Variants in TMEM266 observed in about 807,000 individuals in gnomAD.
TMEM266 encodes transmembrane protein 266.
A neutral mutation model predicts 50.5 loss-of-function variants in TMEM266; 33 were observed. The ratio of observed to expected loss-of-function variants is 0.65; its 90% confidence interval spans 0.50 to 0.87. The LOEUF (loss-of-function observed/expected upper bound fraction) is 0.87. Ranked by LOEUF, TMEM266 falls within the 40% of genes least tolerant of loss-of-function variation. The pLI is 0.00. For missense variants in TMEM266, 655 were observed against 695.1 expected, an observed-to-expected ratio of 0.94 and a Z score of 0.65; for synonymous variants, 310 against 292.3, an observed-to-expected ratio of 1.06 and a Z score of -0.62.
At chr15:76,200,669 G>A (rs766092053) in intron 9 of TMEM266, among the ~76,000 whole-genome samples, 2 of 152,182 alleles carry the variant, frequency 1.3e-5, no homozygotes, top group Non-Finnish European at 2.9e-5. Flanking sequence ...CAGGGCCTGG[G>A]GGTCCTGAGC....
At chr15:76,073,163 T>G (rs1410486406) in intron 1 of TMEM266, among the ~76,000 whole-genome samples, 1 of 144,592 alleles carries the variant, frequency 6.9e-6, no homozygotes, top group African/African-American at 2.6e-5. Flanking sequence ...ACTCTTGACC[T>G]CAGGTGATCC....
chr15:76,116,306 C>T (rs1306378897), intron 1 of TMEM266, among the ~76,000 whole-genome samples: 2 of 152,154 alleles, frequency 1.3e-5, no homozygotes, highest in Non-Finnish European at 2.9e-5. Flanking sequence ...GATAAGGCTC[C>T]GTAGCTTACC....
chr15:76,109,832 A>T (rs1468308327), intron 1 of TMEM266, among the ~76,000 whole-genome samples: 2 of 148,136 alleles, frequency 1.4e-5, no homozygotes, highest in South Asian at 2.1e-4. Context: ...CTAATTTTTT[A>T]AATTTTTTGT....
chr15:76,202,474 T>C (rs1252403248), intron 10 of TMEM266, among the ~76,000 whole-genome samples: 1 of 152,158 alleles, frequency 6.6e-6, no homozygotes, highest in African/African-American at 2.4e-5. Context: ...AGCCTGCAGG[T>C]GCCAGGATAG....
At chr15:76,157,560 C>T (rs997093349) in intron 4 of TMEM266, among the ~76,000 whole-genome samples, 4 of 152,234 alleles carry the variant, frequency 2.6e-5, no homozygotes, top group African/African-American at 9.7e-5. Flanking sequence ...GGCCTACCCC[C>T]CACTGTTTGT....
rs1368776322 is a variant in TMEM266 at position 76,202,235 on chromosome 15, T to G, written c.992T>G (p.Ile331Ser). 6.2e-7 allele frequency: 1 copy of G among 1,613,870 alleles called. No individual in the cohort carries two copies. The highest frequency in any genetic ancestry group is 2.2e-5 in the East Asian group (1 of 44,860). ...ATGAAGGACGACATGAACAGCTACA[T>G]CAGTCAGTATTACAATGGGCCCAGC... The change falls in exon 10 of 11, where the codon ATC becomes AGC. Residue 331 changes from isoleucine (I) to serine (S), a missense_variant. Transcript: ENST00000388942.
Position 76,156,633 on chromosome 15 carries a change from A to C in TMEM266, c.257A>C (p.Lys86Thr). 1 of 1,614,178 alleles carries C rather than the reference A, an allele frequency of 6.2e-7. No homozygotes were observed. Among genetic ancestry groups the C allele is most frequent in the African/African-American group, 1.3e-5 (1 of 75,064 alleles). ...AACTGGCTGAAGCCGTGCTGTGGGAAGAGAGCAGCCGTGTGGCAGGTATTT... is the reference window on the plus strand; with the variant it reads ...AACTGGCTGAAGCCGTGCTGTGGGACGAGAGCAGCCGTGTGGCAGGTATTT... The change falls in exon 4 of 11, where the codon AAG (lysine) becomes ACG (threonine). Residue 86 changes from lysine to threonine, a missense_variant. By Grantham distance (78) the Lys-to-Thr change is moderately conservative. Transcript: ENST00000388942.
At chr15:76,065,391 G>A (rs1596079013) in intron 1 of TMEM266, among the ~76,000 whole-genome samples, 1 of 152,000 alleles carries the variant, frequency 6.6e-6, no homozygotes. Context: ...CTCAGATTTC[G>A]TTCATGATGG....
Position 76,137,559 on chromosome 15 carries a change from C to CG in TMEM266, c.39-145dup, listed in dbSNP as rs2037610416. 1.1e-5 allele frequency: 8 copies of CG among 754,774 alleles called. No homozygotes were observed. The Admixed American group carries it at 1.7e-4, about 16-fold the overall frequency. 46.8% of individuals were successfully genotyped at this position (754,774 alleles called of 1,614,324 possible). On this transcript the variant is annotated intron_variant, in intron 2 of 10. Transcript: ENST00000388942. ...GGCCTCAGTCCAGTCCTCGGGTCCGCGGGTGGCCAGCAGGGAAGAGGGGCA... is the reference window on the plus strand; with the variant it reads ...GGCCTCAGTCCAGTCCTCGGGTCCGCGGGGTGGCCAGCAGGGAAGAGGGGCA...
chr15:76,120,211 CAA>C (rs531368487), intron 1 of TMEM266, among the ~76,000 whole-genome samples: 1 of 135,260 alleles, frequency 7.4e-6, no homozygotes, highest in African/African-American at 2.7e-5. Flanking sequence ...TCACGGTGGC[CAA>C]AAAAAAAAAT....
intron 1 of TMEM266, among the ~76,000 whole-genome samples, chr15:76,124,985 A>G (rs1369985168): frequency 6.6e-6 from 1 of 152,238 alleles, no homozygotes; most frequent in East Asian, 1.9e-4. Flanking sequence ...TGGTCCTGGC[A>G]TAAAAACAGG....
intron 9 of TMEM266, among the ~76,000 whole-genome samples, chr15:76,200,255 T>G (rs1450541940): frequency 6.6e-6 from 1 of 152,176 alleles, no homozygotes; most frequent in Non-Finnish European, 1.5e-5. Context: ...TCCAGGGGAC[T>G]CCTGTACTGG....
At chr15:76,133,441 A>C (rs2037544458) in intron 1 of TMEM266, among the ~76,000 whole-genome samples, 1 of 151,740 alleles carries the variant, frequency 6.6e-6, no homozygotes, top group South Asian at 2.1e-4. Context: ...CATCTAAAAA[A>C]AATAAATAAA....
At chr15:76,202,399 T>C (rs999169794) in intron 10 of TMEM266, 135 bp downstream of exon 10, 5 of 783,686 alleles carry the variant, frequency 6.4e-6, no homozygotes, top group Non-Finnish European at 9.9e-6. Flanking sequence ...GTGCTCAAGG[T>C]TAAAATATCG....
chr15:76,135,942 G>GT (rs112950737), intron 2 of TMEM266, among the ~76,000 whole-genome samples: 28,546 of 145,164 alleles, frequency 0.2, 3,122 homozygotes, highest in East Asian at 0.43. Flanking sequence ...GCAGCTGTGG[G>GT]TTTTTTTTTT....
chr15:76,061,880 C>G (rs1223310749), intron 1 of TMEM266, among the ~76,000 whole-genome samples: 2 of 152,224 alleles, frequency 1.3e-5, no homozygotes, highest in Non-Finnish European at 2.9e-5. Context: ...GCAACATTGT[C>G]TATCACACTT....
At chr15:76,198,621 C>G (rs2038691982) in intron 9 of TMEM266, among the ~76,000 whole-genome samples, 1 of 152,244 alleles carries the variant, frequency 6.6e-6, no homozygotes. Flanking sequence ...GGCCTCTGAT[C>G]CAACCATAGT....
Position 76,169,828 on chromosome 15 carries a change from AT to A in TMEM266, c.471del (p.Ile157MetfsTer14). ...TTCCTTTCCTCAGACTGTTCTACGG[AT>A]TGTGGTGCTTGGGATCTGGGATTAC... On this transcript the variant is annotated frameshift_variant, in exon 6 of 11. Coordinates refer to ENST00000388942, the MANE Select transcript of TMEM266 (RefSeq NM_152335.3). LOFTEE classifies it high-confidence loss of function. 1 of 1,613,952 alleles carries A rather than the reference AT, an allele frequency of 6.2e-7. No individual in the cohort carries two copies. The highest frequency in any genetic ancestry group is 8.5e-7 in the Non-Finnish European group (1 of 1,179,918).
chr15:76,150,649 T>C (rs1448819959), intron 3 of TMEM266, among the ~76,000 whole-genome samples: 1 of 152,150 alleles, frequency 6.6e-6, no homozygotes, highest in Non-Finnish European at 1.5e-5. Context: ...CATAGTGGAT[T>C]GTGGGGTGGG....
Sources: allele counts gnomAD v4.1 joint callset (sites outside exome capture counted in the v4.1 genomes callset), GRCh38; gene constraint gnomAD v4.1.1; transcripts MANE v1.5; gene names NCBI Gene and HGNC (gene_info 2026-07-23, HGNC 2026-07-21).